Variants in LRRN1 observed in about 807,000 individuals in gnomAD.
LRRN1 encodes the protein leucine rich repeat neuronal 1.
LRRN1 carries 14 observed loss-of-function variants against 45.8 expected under a neutral mutation model. That is an observed-to-expected ratio of 0.31 (90% CI 0.20 to 0.48). LRRN1 has a LOEUF of 0.48. Among genes scored for constraint, LRRN1 ranks in the 20% least tolerant of loss-of-function variants. The pLI, the probability that LRRN1 is intolerant of heterozygous loss-of-function variation, is 0.99. For missense variants in LRRN1, 789 were observed against 874.2 expected, an observed-to-expected ratio of 0.90 and a Z score of 1.23; for synonymous variants, 359 against 330.1, an observed-to-expected ratio of 1.09 and a Z score of -0.95.
At chr3:3,830,229 A>G (rs1693335886) in intron 1 of LRRN1, among the ~76,000 whole-genome samples, 1 of 152,196 alleles carries the variant, frequency 6.6e-6, no homozygotes, top group South Asian at 2.1e-4. Context: ...GGATACAAAC[A>G]TCTTCACAGT....
At position 3,848,976 on chromosome 3, in the gene LRRN1, G is replaced by T. The variant is rs994259849; in HGVS notation, c.*2184G>T. Among the ~76,000 whole-genome samples the T allele has an allele frequency of 2.6e-5, 4 of 152,198 alleles. No homozygotes were observed. Among genetic ancestry groups the T allele is most frequent in the African/African-American group, 7.2e-5 (3 of 41,450 alleles). ...TTGCAAAGTATGTATGGGAAACACA[G>T]AGAATTGGAGCTGCGTTGAATGCAA... is the stretch of plus-strand genomic sequence containing the variant. On this transcript the variant is annotated 3_prime_UTR_variant, in exon 2 of 2. Coordinates refer to ENST00000319331, the MANE Select transcript of LRRN1 (RefSeq NM_020873.7).
At chr3:3,804,934 G>A (rs957468634) in intron 1 of LRRN1, among the ~76,000 whole-genome samples, 4 of 152,214 alleles carry the variant, frequency 2.6e-5, no homozygotes, top group Admixed American at 6.5e-5. Flanking sequence ...CCAGGGAAGA[G>A]AGCCATCCTA....
chr3:3,833,125 G>A (rs778525508), intron 1 of LRRN1, among the ~76,000 whole-genome samples: 3 of 152,184 alleles, frequency 2.0e-5, no homozygotes, highest in African/African-American at 7.2e-5. Context: ...AGAGATGCAG[G>A]TGCTGCCCTC....
In LRRN1 at chr3:3,816,800, G is replaced by A. The variant is rs1019490876; in HGVS notation, c.-279+16881G>A. ...AAAGAAGGCTGCAATGTACTCTTGGGGTCCAATAAGACAATTAAGGCAGGT... is the reference window on the plus strand; with the variant it reads ...AAAGAAGGCTGCAATGTACTCTTGGAGTCCAATAAGACAATTAAGGCAGGT... On this transcript the variant is annotated intron_variant, in intron 1 of 1. Transcript: ENST00000319331. This position sits in a 1 kb window ranked among gnomAD's most constrained non-coding sequence, Gnocchi z 4.0. Among the ~76,000 whole-genome samples the A allele has an allele frequency of 4.6e-5, 7 of 152,132 alleles. No individual in the cohort carries two copies. Among genetic ancestry groups the A allele is most frequent in the African/African-American group, 1.7e-4 (7 of 41,500 alleles).
intron 1 of LRRN1, among the ~76,000 whole-genome samples, chr3:3,803,036 C>T (rs567057935): frequency 4.6e-5 from 7 of 152,302 alleles, no homozygotes; most frequent in African/African-American, 1.7e-4. Flanking sequence ...GATCTCAAGA[C>T]CAGATCCAAC....
intron 1 of LRRN1, among the ~76,000 whole-genome samples, chr3:3,811,022 C>T (rs937743559): frequency 3.3e-5 from 5 of 152,152 alleles, no homozygotes; most frequent in African/African-American, 1.2e-4. Context: ...TTGTAGATAT[C>T]CATACTCTTA....
intron 1 of LRRN1, among the ~76,000 whole-genome samples, chr3:3,806,563 G>A (rs955113558): frequency 6.6e-6 from 1 of 152,210 alleles, no homozygotes; most frequent in South Asian, 2.1e-4. Flanking sequence ...TCAGAATTCA[G>A]TGTGTCTTGA....
rs752848565 is a variant in LRRN1, at chr3:3,846,029, T to C, written c.1388T>C (p.Ile463Thr). 8 of 1,613,892 alleles carry C rather than the reference T, an allele frequency of 5.0e-6. No homozygotes were observed. In the African/African-American group the frequency reaches 8.0e-5, roughly 16 times the overall value. Residue 463 changes from isoleucine (I) to threonine (T), a missense_variant, in exon 2 of 2, where the codon ATT becomes ACT. Coordinates refer to ENST00000319331, the MANE Select transcript of LRRN1 (RefSeq NM_020873.7). This position sits in a 1 kb window ranked among gnomAD's most constrained non-coding sequence, Gnocchi z 5.7. ...PEPEIYWVTP[I>T]GNKITVETLS... Reference sequence around the variant, plus strand: ...CCTGAAATTTACTGGGTCACTCCCATTGGAAATAAGATAACTGTGGAAACC... The same window carrying C: ...CCTGAAATTTACTGGGTCACTCCCACTGGAAATAAGATAACTGTGGAAACC...
At chr3:3,815,711 A>G (rs1263969024) in intron 1 of LRRN1, among the ~76,000 whole-genome samples, 1 of 152,176 alleles carries the variant, frequency 6.6e-6, no homozygotes, top group African/African-American at 2.4e-5. Context: ...ATCCTCAATT[A>G]AATGTAATTT....
chr3:3,815,283 T>G (rs760216972), intron 1 of LRRN1, among the ~76,000 whole-genome samples: 1 of 152,180 alleles, frequency 6.6e-6, no homozygotes, highest in Non-Finnish European at 1.5e-5. Flanking sequence ...GCTACCAGTG[T>G]GATGTCTCTG....
At chr3:3,803,738 T>G (rs1575276912) in intron 1 of LRRN1, among the ~76,000 whole-genome samples, 3 of 152,308 alleles carry the variant, frequency 2.0e-5, no homozygotes, top group Middle Eastern at 6.8e-3. Flanking sequence ...AAGTACAGAA[T>G]AGAGATAAAA....
At chr3:3,836,879 C>A (rs897851078) in intron 1 of LRRN1, among the ~76,000 whole-genome samples, 1 of 152,058 alleles carries the variant, frequency 6.6e-6, no homozygotes, top group Non-Finnish European at 1.5e-5. Flanking sequence ...ATGTGGTTGG[C>A]CTGCTATTAA....
chr3:3,841,149 G>A (rs891352350), intron 1 of LRRN1, among the ~76,000 whole-genome samples: 2 of 151,998 alleles, frequency 1.3e-5, no homozygotes, highest in African/African-American at 4.8e-5. Flanking sequence ...AATACAATTA[G>A]GTGTGGTGGC....
At chr3:3,828,065 G>A (rs1279625610) in intron 1 of LRRN1, among the ~76,000 whole-genome samples, 3 of 151,424 alleles carry the variant, frequency 2.0e-5, no homozygotes, top group African/African-American at 7.3e-5. Context: ...TCAAAAATAA[G>A]TATTTGAGGG....
intron 1 of LRRN1, among the ~76,000 whole-genome samples, chr3:3,840,591 T>C (rs1473590297): frequency 6.6e-6 from 1 of 152,204 alleles, no homozygotes; most frequent in East Asian, 1.9e-4. Context: ...AATAGAAATA[T>C]CTTAAACATC....
chr3:3,826,809 T>C (rs920777100), intron 1 of LRRN1, among the ~76,000 whole-genome samples: 1 of 151,662 alleles, frequency 6.6e-6, no homozygotes, highest in Non-Finnish European at 1.5e-5. Context: ...TTAAAAAGAG[T>C]CTGTGCAGAT....
chr3:3,811,655 A>G (rs1692873912), intron 1 of LRRN1, among the ~76,000 whole-genome samples: 1 of 152,238 alleles, frequency 6.6e-6, no homozygotes, highest in African/African-American at 2.4e-5. Flanking sequence ...AGTTGAACTC[A>G]TTTGGGAATG....
In LRRN1 at chr3:3,799,469, G is replaced by A. The variant is rs1177814065; in HGVS notation, c.-729G>A. On this transcript the variant is annotated 5_prime_UTR_variant, in exon 1 of 2. Transcript: ENST00000319331. ...GGCGCACCGCGGGCGCCGGCAACGA[G>A]CCGGTGAACGAGGCGAGGCCCGTGC... The A allele has an allele frequency of 6.6e-6, 1 of 151,936 alleles. No homozygotes were observed. The allele number at this position is 151,936 out of a possible 1,614,324, so 9.4% of individuals were successfully genotyped here.
intron 1 of LRRN1, among the ~76,000 whole-genome samples, chr3:3,801,461 G>C (rs1458924899): frequency 6.6e-6 from 1 of 152,174 alleles, no homozygotes; most frequent in African/African-American, 2.4e-5. Context: ...GGAAAGTTCA[G>C]GAAGGCACTT....
Sources: gnomAD v4.1 joint callset for allele counts (sites outside exome capture counted in the v4.1 genomes callset) on GRCh38, gnomAD v4.1.1 for gene constraint, Gnocchi (gnomAD v3.1) non-coding constraint, MANE v1.5 for transcripts, NCBI Gene and HGNC (gene_info 2026-07-23, HGNC 2026-07-21) for gene names.